ATP10B: variants seen among roughly 807,000 people sequenced by gnomAD.
ATP10B encodes the protein ATPase phospholipid transporting 10B (putative).
In ATP10B, 122 loss-of-function variants were observed where a neutral mutation model predicts 141.2. That is an observed-to-expected ratio of 0.86 (90% CI 0.75 to 1.00). The LOEUF is 1.00. Among genes scored for constraint, ATP10B ranks in the 50% least tolerant of loss-of-function variants. The pLI is 0.00. For missense variants in ATP10B, 1,876 were observed against 1,825.3 expected (o/e 1.03, Z -0.51); for synonymous variants, 685 against 692.0 (o/e 0.99, Z 0.16).
chr5:160,594,989 CAG>C (rs1439273514), intron 22 of ATP10B, among the ~76,000 whole-genome samples: 8 of 152,166 alleles, frequency 5.3e-5, no homozygotes, highest in African/African-American at 1.7e-4. Flanking sequence ...ATCAATGAGA[CAG>C]AAAGTTAACA....
the ATP10B span, among the ~76,000 whole-genome samples, chr5:160,919,223 C>CAAAAAAAAAAAAAAAAAAA: frequency 7.1e-4 from 19 of 26,942 alleles, 1 homozygote; most frequent in African/African-American, 2.6e-3. Context: ...AACTCCGTCT[C>CAAAAAAAAAAAAAAAAAAA]AAAAAAAAAA....
chr5:160,724,739 T>A (rs1335901117), intron 2 of ATP10B, among the ~76,000 whole-genome samples: 2 of 152,192 alleles, frequency 1.3e-5, no homozygotes, highest in African/African-American at 4.8e-5. Flanking sequence ...ATTACCTCTG[T>A]CTTGATACCT....
intron 8 of ATP10B, 46 bp downstream of exon 8, chr5:160,649,125 C>T (rs778071781): frequency 1.5e-6 from 2 of 1,351,490 alleles, no homozygotes; most frequent in Non-Finnish European, 1.1e-6. Context: ...TATTTTCTAG[C>T]TGCAGCGGAG....
At chr5:160,678,199 C>T (rs1763153908) in intron 6 of ATP10B, among the ~76,000 whole-genome samples, 2 of 152,166 alleles carry the variant, frequency 1.3e-5, no homozygotes, top group Admixed American at 1.3e-4. Context: ...TCATTATAAC[C>T]CTGTCCACTG....
chr5:160,747,995 G>GAA (rs3075589), intron 2 of ATP10B, among the ~76,000 whole-genome samples: 32 of 98,956 alleles, frequency 3.2e-4, no homozygotes, highest in South Asian at 1.1e-3. Context: ...CATTGAGAGA[G>GAA]AAAAAAAAAA....
intron 1 of ATP10B, among the ~76,000 whole-genome samples, chr5:160,820,682 G>T (rs527337024): frequency 1.3e-5 from 2 of 152,166 alleles, no homozygotes; most frequent in South Asian, 4.1e-4. Flanking sequence ...ACATTGAAAA[G>T]ATCATTCATC....
intron 2 of ATP10B, among the ~76,000 whole-genome samples, chr5:160,770,185 T>C (rs1400871647): frequency 6.6e-6 from 1 of 152,044 alleles, no homozygotes; most frequent in Non-Finnish European, 1.5e-5. Flanking sequence ...TCTGTCCCTC[T>C]CTATCCTCTC....
chr5:160,871,355 G>A, the ATP10B span, among the ~76,000 whole-genome samples: 1 of 152,058 alleles, frequency 6.6e-6, no homozygotes, highest in East Asian at 1.9e-4. Context: ...CATTACCCTT[G>A]AAGAGGTATA....
At chr5:160,800,446 T>A (rs757125132) in intron 1 of ATP10B, among the ~76,000 whole-genome samples, 1 of 152,214 alleles carries the variant, frequency 6.6e-6, no homozygotes, top group Non-Finnish European at 1.5e-5. Flanking sequence ...AATGTGACCA[T>A]TGAAAAGCAG....
chr5:160,896,502 C>T, the ATP10B span, among the ~76,000 whole-genome samples: 1,026 of 152,094 alleles, frequency 6.7e-3, 11 homozygotes, highest in African/African-American at 0.023. Context: ...AGGAAGAAGT[C>T]GAATCCCTGA....
chr5:160,889,316 T>C, the ATP10B span, among the ~76,000 whole-genome samples: 65,902 of 152,016 alleles, frequency 0.43, 16,161 homozygotes, highest in Non-Finnish European at 0.54. Context: ...GCCCAGCTGA[T>C]AGGAGGGTCT....
chr5:160,662,325 C>T (rs1327568856), intron 7 of ATP10B, among the ~76,000 whole-genome samples: 1 of 150,300 alleles, frequency 6.7e-6, no homozygotes, highest in Non-Finnish European at 1.5e-5. Context: ...CAAAAAAGAG[C>T]CCGCATTGCC....
At chr5:160,870,454 A>G in the ATP10B span, among the ~76,000 whole-genome samples, 1 of 152,150 alleles carries the variant, frequency 6.6e-6, no homozygotes, top group African/African-American at 2.4e-5. Flanking sequence ...AAGCAGCAGA[A>G]CCAGTCTTGG....
rs1765703778 is a variant in ATP10B, at chr5:160,717,007, A to C, written c.-303T>G. The C allele has an allele frequency of 1.0e-5, 10 of 985,310 alleles. No individual in the cohort carries two copies. In the Admixed American group the frequency reaches 6.1e-4, roughly 61 times the overall value. The allele number at this position is 985,310 out of a possible 1,614,324, so 61.0% of individuals were successfully genotyped here. ...GCAGATGTAGTACTTTAGCTGGGCA[A>C]ATTGTTGATCAGAATAAATTGCAAG... On this transcript the variant is annotated 5_prime_UTR_variant, in exon 3 of 26. The change creates a new upstream start codon in the 5' untranslated region. Coordinates refer to ENST00000327245, the MANE Select transcript of ATP10B (RefSeq NM_025153.3).
At chr5:160,855,408 T>C (rs183818226), upstream of ATP10B, among the ~76,000 whole-genome samples, 5 of 152,150 alleles carry the variant, frequency 3.3e-5, no homozygotes, top group Non-Finnish European at 7.4e-5. Context: ...ATGTGCTTAT[T>C]TCTCAGTTAT....
chr5:160,880,684 A>ATTTGCT, the ATP10B span, among the ~76,000 whole-genome samples: 1 of 152,230 alleles, frequency 6.6e-6, no homozygotes, highest in Non-Finnish European at 1.5e-5. Flanking sequence ...CAAATATAAT[A>ATTTGCT]CAATGGAACA....
At chr5:160,859,166 TTTTG>T in the ATP10B span, among the ~76,000 whole-genome samples, 1 of 151,946 alleles carries the variant, frequency 6.6e-6, no homozygotes, top group Non-Finnish European at 1.5e-5. Context: ...CCCTTTATTT[TTTTG>T]TTTGTTTTCA....
At chr5:160,840,693 T>A (rs77946621) in intron 1 of ATP10B, among the ~76,000 whole-genome samples, 6 of 152,138 alleles carry the variant, frequency 3.9e-5, no homozygotes, top group African/African-American at 1.4e-4. Context: ...ATTGATAAAC[T>A]GACTACATAT....
intron 1 of ATP10B, among the ~76,000 whole-genome samples, chr5:160,808,201 ATCT>A (rs1772914181): frequency 1.3e-5 from 2 of 152,200 alleles, no homozygotes; most frequent in South Asian, 2.1e-4. Context: ...ATTATGGTAA[ATCT>A]TCTAAGGTGT....
Sources: gnomAD v4.1 joint callset for allele counts (sites outside exome capture counted in the v4.1 genomes callset) on GRCh38, gnomAD v4.1.1 for gene constraint, MANE v1.5 for transcripts, NCBI Gene and HGNC (gene_info 2026-07-23, HGNC 2026-07-21) for gene names.